The following UCK2 variants were observed in gnomAD, a reference collection of about 807,000 sequenced individuals.
UCK2 encodes uridine-cytidine kinase 2, also known as cytidine monophosphokinase 2.
In UCK2, 6 loss-of-function variants were observed where a neutral mutation model predicts 30.8. The observed-to-expected ratio is 0.19, with a 90% CI of 0.11 to 0.38. The LOEUF is 0.38. Ranked by LOEUF, UCK2 falls within the 10% of genes least tolerant of loss-of-function variation. The pLI is 1.00. For synonymous variants in UCK2, 125 were observed against 133.6 expected (o/e 0.94, Z 0.45); for missense variants, 210 against 339.8 (o/e 0.62, Z 3.00).
chr1:165,876,620 T>G (rs1655343020), intron 1 of UCK2, among the ~76,000 whole-genome samples: 1 of 152,144 alleles, frequency 6.6e-6, no homozygotes, highest in Admixed American at 6.5e-5. Context: ...AAAAAGAAAT[T>G]CAATATACCC....
At position 165,859,054 on chromosome 1, in the gene UCK2, G is replaced by A. The variant is rs928147116; in HGVS notation, c.99+31122G>A. 3.9e-5 allele frequency among the ~76,000 whole-genome samples: 6 copies of A among 152,286 alleles called. No individual in the cohort carries two copies. In the South Asian group the frequency reaches 1.2e-3, roughly 32 times the overall value. On this transcript the variant is annotated intron_variant, in intron 1 of 6. Coordinates refer to ENST00000367879, the MANE Select transcript of UCK2 (RefSeq NM_012474.5). ...TGAATAACCGTGTGTTTTGAAGAAT[G>A]AAAAAGATAAGACAGTTCACTGAGT...
chr1:165,879,328 G>C (rs1655413727), intron 1 of UCK2, among the ~76,000 whole-genome samples: 4 of 152,098 alleles, frequency 2.6e-5, no homozygotes, highest in Admixed American at 2.6e-4. Context: ...TTGGCTTGAG[G>C]TTCATTTTTT....
intron 1 of UCK2, among the ~76,000 whole-genome samples, chr1:165,832,084 G>T (rs115202556): frequency 0.012 from 1,902 of 152,188 alleles, 35 homozygotes; most frequent in African/African-American, 0.043. Context: ...TTTCTACACA[G>T]CCAAATGCAC....
At chr1:165,862,744 AC>A (rs1372466405) in intron 1 of UCK2, among the ~76,000 whole-genome samples, 1 of 152,158 alleles carries the variant, frequency 6.6e-6, no homozygotes, top group African/African-American at 2.4e-5. Flanking sequence ...TTTACAAGAC[AC>A]TTAAACCCTT....
chr1:165,881,881 G>A (rs1245661230), intron 1 of UCK2, among the ~76,000 whole-genome samples: 1 of 152,204 alleles, frequency 6.6e-6, no homozygotes, highest in Non-Finnish European at 1.5e-5. Context: ...AAAAGTCCTA[G>A]GAACTTGTTT....
chr1:165,861,528 T>G (rs1654899429), intron 1 of UCK2, among the ~76,000 whole-genome samples: 1 of 138,568 alleles, frequency 7.2e-6, no homozygotes, highest in African/African-American at 2.8e-5. Flanking sequence ...CTTGGGAAGC[T>G]GAGGCAGGAG....
intron 1 of UCK2, among the ~76,000 whole-genome samples, chr1:165,853,521 T>A (rs1236920936): frequency 1.4e-5 from 2 of 142,122 alleles, no homozygotes; most frequent in Non-Finnish European, 3.1e-5. Flanking sequence ...AGAAAGGATC[T>A]TTTTTTTTTT....
chr1:165,845,342 C>G (rs560448763), intron 1 of UCK2, among the ~76,000 whole-genome samples: 1 of 152,304 alleles, frequency 6.6e-6, no homozygotes, highest in African/African-American at 2.4e-5. Context: ...CGCACTCTTC[C>G]TCAGAGGTTA....
chr1:165,864,367 GT>G (rs879593851), intron 1 of UCK2, among the ~76,000 whole-genome samples: 1 of 151,698 alleles, frequency 6.6e-6, no homozygotes, highest in African/African-American at 2.4e-5. Context: ...AGTGAGAACA[GT>G]TTTTTTTTAA....
At position 165,907,744 on chromosome 1, in the gene UCK2, G is replaced by A. The variant is rs1158261840; in HGVS notation, c.707G>A (p.Arg236Gln). Residue 236 changes from arginine to glutamine, a missense_variant, in exon 7 of 7, where the codon CGG (arginine) becomes CAG (glutamine). Arg to Gln is a conservative substitution (Grantham distance 43). This residue lies in a region of UCK2 where 38 missense variants were observed against 45.4 expected (regional missense o/e 0.84). Transcript: ENST00000367879. ...QDILNGGPSK[R>Q]QTNGCLNGYT... The stretch of plus-strand genomic sequence containing the variant: ...ATCCTGAATGGAGGGCCCTCCAAAC[G>A]GCAGACCAATGGCTGTCTCAACGGC... 9.3e-6 allele frequency: 15 copies of A among 1,614,002 alleles called. No homozygotes were observed. The highest frequency in any genetic ancestry group is 1.3e-5 in the African/African-American group (1 of 74,896).
intron 3 of UCK2, 92 bp downstream of exon 3, chr1:165,891,414 T>C (rs971897065): frequency 2.6e-6 from 3 of 1,170,690 alleles, no homozygotes; most frequent in African/African-American, 3.0e-5. Context: ...CCTCTCGCAC[T>C]TCAGACCTCT....
chr1:165,908,219 G>A lies in UCK2; in HGVS notation c.*396G>A, dbSNP rs1014077690. ...ACTGGAGCTGGAATTTCACCAAGGG[G>A]AAATTGCCTGTTGTGTCCCAGGGTG... On this transcript the variant is annotated 3_prime_UTR_variant, in exon 7 of 7. Transcript: ENST00000367879. 8 of 155,314 alleles carry A rather than the reference G, an allele frequency of 5.2e-5. No individual in the cohort carries two copies. The highest frequency in any genetic ancestry group is 1.1e-4 in the Non-Finnish European group (8 of 70,022). The allele number at this position is 155,314 out of a possible 1,614,324, so 9.6% of individuals were successfully genotyped here.
chr1:165,839,029 C>A (rs1415351629), intron 1 of UCK2, among the ~76,000 whole-genome samples: 1 of 151,686 alleles, frequency 6.6e-6, no homozygotes, highest in Non-Finnish European at 1.5e-5. Flanking sequence ...GCCTGGATGA[C>A]AGAGCAAGAC....
intron 4 of UCK2, among the ~76,000 whole-genome samples, chr1:165,901,965 A>AG (rs1553201138): frequency 6.7e-6 from 1 of 149,646 alleles, no homozygotes; most frequent in African/African-American, 2.5e-5. Flanking sequence ...AAAAAAAAAA[A>AG]GGCTCACACC....
intron 1 of UCK2, among the ~76,000 whole-genome samples, chr1:165,830,330 A>AT (rs55852320): frequency 3.2e-4 from 44 of 138,674 alleles, no homozygotes; most frequent in African/African-American, 6.1e-4. Flanking sequence ...TTTTTTTATT[A>AT]TTTTTTTTTT....
chr1:165,882,285 C>T (rs1337907329), intron 1 of UCK2, among the ~76,000 whole-genome samples: 1 of 152,114 alleles, frequency 6.6e-6, no homozygotes, highest in African/African-American at 2.4e-5. Flanking sequence ...ATAATTAAGG[C>T]AGCCTGTTGG....
At chr1:165,842,983 T>C (rs1354256349) in intron 1 of UCK2, among the ~76,000 whole-genome samples, 1 of 152,238 alleles carries the variant, frequency 6.6e-6, no homozygotes, top group Non-Finnish European at 1.5e-5. Context: ...GCCTCTTTTG[T>C]GTGGTCACTT....
chr1:165,893,315 C>A (rs982746054), intron 3 of UCK2, among the ~76,000 whole-genome samples: 14 of 152,200 alleles, frequency 9.2e-5, no homozygotes, highest in African/African-American at 3.4e-4. Context: ...CACGTTTCCT[C>A]CTGATTTATC....
chr1:165,881,930 C>T (rs1034250959), intron 1 of UCK2, among the ~76,000 whole-genome samples: 3 of 152,200 alleles, frequency 2.0e-5, no homozygotes, highest in East Asian at 1.9e-4. Flanking sequence ...ATCTCTCAGA[C>T]GCAGTCTAAC....
Sources: allele counts gnomAD v4.1 joint callset (sites outside exome capture counted in the v4.1 genomes callset), GRCh38; gene constraint gnomAD v4.1.1; regional missense constraint gnomAD v4.1.1; transcripts MANE v1.5; gene names NCBI Gene and HGNC (gene_info 2026-07-23, HGNC 2026-07-21).